The following SVOPL variants were observed in gnomAD, a reference collection of about 807,000 sequenced individuals.
SVOPL encodes the protein SVOP like.
In SVOPL, 60 loss-of-function variants were observed where a neutral mutation model predicts 61.0. The ratio of observed to expected loss-of-function variants is 0.98; its 90% CI spans 0.80 to 1.22. The LOEUF (loss-of-function observed/expected upper bound fraction) is 1.22, where lower values mean the gene tolerates loss of function less well. Ranked by LOEUF, SVOPL falls within the 50% of genes most tolerant of loss-of-function variation. SVOPL has a pLI of 0.00. For missense variants in SVOPL, 662 were observed against 643.9 expected, an observed-to-expected ratio of 1.03 and a Z score of -0.30; for synonymous variants, 279 against 250.0, an observed-to-expected ratio of 1.12 and a Z score of -1.09.
chr7:138,642,287 C>CAAAAAAAAAAA (rs79469915), intron 9 of SVOPL, among the ~76,000 whole-genome samples: 1 of 111,674 alleles, frequency 9.0e-6, no homozygotes, highest in African/African-American at 3.6e-5. Flanking sequence ...GGAAATTAGC[C>CAAAAAAAAAAA]AAAAAAAAAA....
intron 13 of SVOPL, among the ~76,000 whole-genome samples, chr7:138,623,570 A>AG (rs1563097848): frequency 6.6e-6 from 1 of 152,116 alleles, no homozygotes; most frequent in Non-Finnish European, 1.5e-5. Flanking sequence ...ACTGCACTCC[A>AG]GCCTGGGCGA....
intron 4 of SVOPL, among the ~76,000 whole-genome samples, chr7:138,668,932 C>T (rs984974756): frequency 6.6e-6 from 1 of 152,232 alleles, no homozygotes; most frequent in Non-Finnish European, 1.5e-5. Context: ...CTCCCAGACA[C>T]TCTCTTTAGT....
At chr7:138,636,534 G>A (rs546552420) in intron 9 of SVOPL, among the ~76,000 whole-genome samples, 2 of 148,528 alleles carry the variant, frequency 1.3e-5, no homozygotes, top group Non-Finnish European at 3.0e-5. Flanking sequence ...AAAGTGGTGT[G>A]ATCTTGGCTC....
At chr7:138,599,150 A>C (rs1311069630) in intron 14 of SVOPL, among the ~76,000 whole-genome samples, 1 of 59,272 alleles carries the variant, frequency 1.7e-5, no homozygotes, top group South Asian at 4.6e-4. Context: ...CCAAAAAAAA[A>C]AAAAAAACCA....
At chr7:138,637,833 T>G in intron 9 of SVOPL, among the ~76,000 whole-genome samples, 1 of 151,644 alleles carries the variant, frequency 6.6e-6, no homozygotes, top group Non-Finnish European at 1.5e-5. Context: ...GCACCTGTAA[T>G]CCCAGCTACT....
At chr7:138,687,982 T>C (rs1174876421) in intron 1 of SVOPL, among the ~76,000 whole-genome samples, 1 of 151,880 alleles carries the variant, frequency 6.6e-6, no homozygotes, top group East Asian at 1.9e-4. Context: ...TTGTATTTTT[T>C]AGTAGAGACA....
chr7:138,681,104 T>A (rs1802691211), intron 1 of SVOPL, among the ~76,000 whole-genome samples: 1 of 150,826 alleles, frequency 6.6e-6, no homozygotes, highest in Non-Finnish European at 1.5e-5. Context: ...AAAATCAAAT[T>A]TAGCTACGTA....
At chr7:138,611,922 A>G (rs1177022307) in intron 14 of SVOPL, among the ~76,000 whole-genome samples, 84 of 17,468 alleles carry the variant, frequency 4.8e-3, no homozygotes, top group Non-Finnish European at 6.4e-3. Context: ...AGAACGGGCC[A>G]GGATGACAAT....
At position 138,597,088 on chromosome 7, in the gene SVOPL, C is replaced by T. The variant is rs766098525; in HGVS notation, c.1354-558G>A. On this transcript the variant is annotated intron_variant, in intron 14 of 15. Transcript: ENST00000674285. ...TTTTCCACAGTAACTGGGTTTCTGT[C>T]CATCTGTACACATGCTTTGGCCTGG... 5.1e-6 allele frequency: 6 copies of T among 1,186,090 alleles called. No homozygotes were observed. In the South Asian group the frequency reaches 1.0e-4, roughly 20 times the overall value. 73.5% of individuals were successfully genotyped at this position (1,186,090 alleles called of 1,614,324 possible).
intron 7 of SVOPL, among the ~76,000 whole-genome samples, chr7:138,654,841 C>A (rs1197870824): frequency 6.6e-6 from 1 of 150,446 alleles, no homozygotes; most frequent in Admixed American, 6.6e-5. Flanking sequence ...CATAGTGAGA[C>A]CACATTTTCA....
intron 1 of SVOPL, among the ~76,000 whole-genome samples, chr7:138,685,286 AG>A (rs1342744215): frequency 6.6e-6 from 1 of 152,296 alleles, no homozygotes; most frequent in East Asian, 1.9e-4. Flanking sequence ...ATCTGCAACA[AG>A]GTGGATGAAA....
chr7:138,685,774 A>G (rs1802795651), intron 1 of SVOPL, among the ~76,000 whole-genome samples: 1 of 152,028 alleles, frequency 6.6e-6, no homozygotes, highest in Admixed American at 6.6e-5. Context: ...CAGGAGCCTG[A>G]GGCAGGAGAA....
At chr7:138,613,833 T>C (rs1226935217) in intron 14 of SVOPL, among the ~76,000 whole-genome samples, 4 of 152,162 alleles carry the variant, frequency 2.6e-5, no homozygotes, top group Non-Finnish European at 4.4e-5. Context: ...CTGACTTACA[T>C]CATTTGTCAA....
chr7:138,630,221 A>C (rs1800114162), intron 9 of SVOPL, 99 bp from the exon 10 acceptor site: 2 of 1,004,222 alleles, frequency 2.0e-6, no homozygotes, highest in Non-Finnish European at 3.1e-6. Context: ...ATCATATTGG[A>C]GCATGGTGGC....
Position 138,697,678 on chromosome 7 carries a change from AAAGAAGAGGAAG to A in SVOPL, c.-35+3488_-35+3499del, listed in dbSNP as rs140367568. On this transcript the variant is annotated intron_variant, in intron 1 of 15. Coordinates refer to ENST00000674285, the MANE Select transcript of SVOPL (RefSeq NM_001139456.2). ...AAGAACAAGAGGAGGAGAAGGAGGAAAAGAAGAGGAAGAAGAAGAGGAAGAAGGATAAGAAGA... is the reference window on the plus strand; with the variant it reads ...AAGAACAAGAGGAGGAGAAGGAGGAAAAGAAGAGGAAGAAGGATAAGAAGA... Among the ~76,000 whole-genome samples the A allele has an allele frequency of 7.2e-4, 106 of 147,294 alleles. 1 individual carries two copies. In the South Asian group the frequency reaches 0.021, roughly 29 times the overall value.
intron 14 of SVOPL, among the ~76,000 whole-genome samples, chr7:138,610,719 T>C (rs1406202008): frequency 2.0e-5 from 3 of 152,212 alleles, no homozygotes; most frequent in Admixed American, 6.5e-5. Flanking sequence ...TAACGTAGTT[T>C]CTAAGAGCTC....
intron 7 of SVOPL, among the ~76,000 whole-genome samples, chr7:138,651,212 G>C (rs1801418068): frequency 6.6e-6 from 1 of 152,114 alleles, no homozygotes; most frequent in South Asian, 2.1e-4. Flanking sequence ...AGTTTATCCT[G>C]GATGCATCCC....
intron 13 of SVOPL, among the ~76,000 whole-genome samples, chr7:138,622,134 C>CGACAGAGTCTCACTCT (rs1799653937): frequency 1.4e-5 from 1 of 72,486 alleles, no homozygotes; most frequent in Non-Finnish European, 3.3e-5. Context: ...ATCTATCTAT[C>CGACAGAGTCTCACTCT]TATGTATCTA....
intron 3 of SVOPL, among the ~76,000 whole-genome samples, chr7:138,676,680 G>A (rs1584863859): frequency 6.6e-6 from 1 of 152,118 alleles, no homozygotes. Context: ...GGTGTCTCTG[G>A]TGATTCTTAT....
Sources: gnomAD v4.1 joint callset for allele counts (sites outside exome capture counted in the v4.1 genomes callset) on GRCh38, gnomAD v4.1.1 for gene constraint, MANE v1.5 for transcripts, NCBI Gene and HGNC (gene_info 2026-07-23, HGNC 2026-07-21) for gene names.